TAX1BP1: variants seen among roughly 807,000 people sequenced by gnomAD.
The protein encoded by TAX1BP1 is Tax1 binding protein 1, also known as tax1-binding protein 1.
A neutral mutation model predicts 97.7 loss-of-function variants in TAX1BP1; 62 were observed. The ratio of observed to expected loss-of-function variants is 0.63; its 90% CI spans 0.52 to 0.78. The LOEUF is 0.78. Among genes scored for constraint, TAX1BP1 ranks in the 30% least tolerant of loss-of-function variants. TAX1BP1 has a pLI of 0.00. For synonymous variants in TAX1BP1, 340 were observed against 304.2 expected, an observed-to-expected ratio of 1.12 and a Z score of -1.23; for missense variants, 867 against 916.1, an observed-to-expected ratio of 0.95 and a Z score of 0.69.
intron 3 of TAX1BP1, 190 bp downstream of exon 3, chr7:27,758,323 A>G: frequency 2.6e-6 from 1 of 380,618 alleles, no homozygotes; most frequent in Non-Finnish European, 4.7e-6. Flanking sequence ...TTATGTAGAC[A>G]TTTAAAAGTT....
chr7:27,740,975 C>G (rs1787571005), intron 1 of TAX1BP1, among the ~76,000 whole-genome samples: 1 of 152,154 alleles, frequency 6.6e-6, no homozygotes, highest in African/African-American at 2.4e-5. Flanking sequence ...AGCGTGCGCG[C>G]GCGCGCGTAC....
At chr7:27,813,903 G>A (rs916578731) in intron 13 of TAX1BP1, among the ~76,000 whole-genome samples, 3 of 151,338 alleles carry the variant, frequency 2.0e-5, no homozygotes, top group Admixed American at 6.6e-5. Flanking sequence ...TTTTTTTAAC[G>A]GTCACTAAAT....
intron 1 of TAX1BP1, among the ~76,000 whole-genome samples, chr7:27,744,634 A>T (rs1024815439): frequency 6.6e-6 from 1 of 152,192 alleles, no homozygotes; most frequent in African/African-American, 2.4e-5. Context: ...CAGTAAGTTC[A>T]CTAAGGCTTA....
intron 13 of TAX1BP1, chr7:27,803,275 T>C (rs1790206794): frequency 8.7e-7 from 1 of 1,152,626 alleles, no homozygotes; most frequent in Non-Finnish European, 1.1e-6. Flanking sequence ...CATGTGACAG[T>C]ACAATGTTCA....
At position 27,796,146 on chromosome 7, in the gene TAX1BP1, G is replaced by T. The variant is rs1373933883; in HGVS notation, c.1565G>T (p.Gly522Val). ...GCAGATTTTGACATAGTAACAAAGG[G>T]GCAAGTCTGTGAAATGACCAAAGAA... ...AEADFDIVTK[G>V]QVCEMTKEIA... The change falls in exon 12 of 17, where the codon GGG becomes GTG. Residue 522 changes from glycine (G) to valine (V), a missense_variant. Transcript: ENST00000396319. The T allele has an allele frequency of 1.2e-6, 2 of 1,605,108 alleles. No individual in the cohort carries two copies. The highest frequency in any genetic ancestry group is 2.7e-5 in the African/African-American group (2 of 74,322).
chr7:27,762,202 T>G (rs6462046), intron 3 of TAX1BP1, among the ~76,000 whole-genome samples: 1 of 152,178 alleles, frequency 6.6e-6, no homozygotes, highest in African/African-American at 2.4e-5. Context: ...GATTTAGGTA[T>G]TCATAGATGT....
intron 3 of TAX1BP1, 33 bp downstream of exon 3, chr7:27,758,166 C>CT: frequency 6.7e-7 from 1 of 1,491,700 alleles, no homozygotes; most frequent in Non-Finnish European, 9.3e-7. Flanking sequence ...CTCAATGAAA[C>CT]TAGATGTCTT....
chr7:27,740,585 T>A (rs1366302817), intron 1 of TAX1BP1, among the ~76,000 whole-genome samples: 4 of 152,048 alleles, frequency 2.6e-5, no homozygotes, highest in Non-Finnish European at 5.9e-5. Context: ...GGGGGCCCTT[T>A]GGCTGGGGAC....
intron 3 of TAX1BP1, among the ~76,000 whole-genome samples, chr7:27,764,419 T>C (rs149547486): frequency 5.9e-5 from 9 of 152,356 alleles, no homozygotes; most frequent in African/African-American, 7.2e-5. Flanking sequence ...ATTGAAGTTA[T>C]GCATTTTTGG....
intron 15 of TAX1BP1, among the ~76,000 whole-genome samples, chr7:27,826,460 C>G (rs991137670): frequency 6.6e-6 from 1 of 152,184 alleles, no homozygotes; most frequent in African/African-American, 2.4e-5. Flanking sequence ...CTTCCCATGA[C>G]AGACTTAACT....
At chr7:27,806,166 A>G (rs928622600) in intron 13 of TAX1BP1, among the ~76,000 whole-genome samples, 7 of 151,024 alleles carry the variant, frequency 4.6e-5, no homozygotes, top group Non-Finnish European at 7.4e-5. Context: ...ACTCACTACA[A>G]CCTTTGCCTC....
intron 4 of TAX1BP1, among the ~76,000 whole-genome samples, chr7:27,768,041 T>TA (rs952272083): frequency 9.3e-5 from 14 of 151,104 alleles, no homozygotes; most frequent in African/African-American, 1.2e-4. Flanking sequence ...GTCCTAGATT[T>TA]AAAAAAAAAC....
In TAX1BP1 at chr7:27,766,012, C is replaced by G. The variant is rs1456779465; in HGVS notation, c.444C>G (p.Gly148=). The change falls in exon 4 of 17, where the codon GGC becomes GGG. Residue 148 remains glycine (G), a synonymous_variant. Transcript: ENST00000396319. The stretch of plus-strand genomic sequence containing the variant: ...TGTTAGTGGTGACCACAAAAGCAGG[C>G]CTTCTTGAGGTTGGTGTTCACAGTG... ...SDMLVVTTKA[G]LLELKIEKTM... 3 of 1,613,072 alleles carry G rather than the reference C, an allele frequency of 1.9e-6. No individual in the cohort carries two copies. The highest frequency in any genetic ancestry group is 1.3e-5 in the African/African-American group (1 of 74,852).
At chr7:27,759,396 A>C (rs1409039617) in intron 3 of TAX1BP1, among the ~76,000 whole-genome samples, 2 of 152,174 alleles carry the variant, frequency 1.3e-5, no homozygotes, top group Non-Finnish European at 2.9e-5. Context: ...AATTCCTGTT[A>C]GTGACAAAAA....
intron 2 of TAX1BP1, among the ~76,000 whole-genome samples, chr7:27,756,368 C>T (rs1583671713): frequency 1.3e-5 from 2 of 152,222 alleles, no homozygotes; most frequent in South Asian, 2.1e-4. Flanking sequence ...TTTCCTTACT[C>T]AAAAGCAATT....
At chr7:27,747,866 A>T (rs960820003) in intron 1 of TAX1BP1, among the ~76,000 whole-genome samples, 3 of 145,852 alleles carry the variant, frequency 2.1e-5, no homozygotes, top group Non-Finnish European at 3.0e-5. Context: ...GTTGTCATCT[A>T]TTTTTTTTTT....
chr7:27,789,495 T>G (rs772240018), intron 8 of TAX1BP1, among the ~76,000 whole-genome samples: 2 of 151,966 alleles, frequency 1.3e-5, no homozygotes, highest in Non-Finnish European at 2.9e-5. Flanking sequence ...AAAATAAGCT[T>G]ATATATGCAT....
At chr7:27,825,981 G>T (rs1791163773) in intron 15 of TAX1BP1, among the ~76,000 whole-genome samples, 1 of 151,874 alleles carries the variant, frequency 6.6e-6, no homozygotes, top group African/African-American at 2.4e-5. Flanking sequence ...AAAGATGAGT[G>T]AGAAAATTTT....
intron 12 of TAX1BP1, among the ~76,000 whole-genome samples, chr7:27,799,562 T>C (rs1790056472): frequency 6.6e-6 from 1 of 152,182 alleles, no homozygotes; most frequent in African/African-American, 2.4e-5. Context: ...AAATTACCTC[T>C]ATCATTCTGA....
Sources: allele counts gnomAD v4.1 joint callset (sites outside exome capture counted in the v4.1 genomes callset), GRCh38; gene constraint gnomAD v4.1.1; transcripts MANE v1.5; gene names NCBI Gene and HGNC (gene_info 2026-07-23, HGNC 2026-07-21).